SLC67A1: variants seen among roughly 807,000 people sequenced by gnomAD.
SLC67A1 encodes the protein solute carrier family 67 member 1.
At chr11:2,901,471 G>T in the SLC67A1 span, among the ~76,000 whole-genome samples, 1 of 152,260 alleles carries the variant, frequency 6.6e-6, no homozygotes, top group Non-Finnish European at 1.5e-5. Flanking sequence ...CCCTTGCCTG[G>T]GGAGGAGGTG....
At chr11:2,916,503 G>A in the SLC67A1 span, 2 of 724,876 alleles carry the variant, frequency 2.8e-6, no homozygotes, top group South Asian at 1.7e-5. Context: ...AGACTGTGGG[G>A]ATGTGGGAGG....
chr11:2,900,105 A>G, the SLC67A1 span, among the ~76,000 whole-genome samples: 1 of 131,872 alleles, frequency 7.6e-6, no homozygotes, highest in South Asian at 2.3e-4. Flanking sequence ...CAGTCCTTCC[A>G]GGAAACTCTG....
At chr11:2,919,369 G>C in the SLC67A1 span, 1 of 1,613,916 alleles carries the variant, frequency 6.2e-7, no homozygotes, top group South Asian at 1.1e-5. Flanking sequence ...GGCCGCCCAA[G>C]CTGGCTACCT....
chr11:2,906,864 T>TA, the SLC67A1 span, among the ~76,000 whole-genome samples: 5 of 133,180 alleles, frequency 3.8e-5, no homozygotes, highest in South Asian at 2.5e-4. Context: ...TAAAGTATAA[T>TA]AAAAAAACAA....
chr11:2,916,682 C>T, the SLC67A1 span: 1 of 1,612,932 alleles, frequency 6.2e-7, no homozygotes, highest in Admixed American at 1.7e-5. Flanking sequence ...TCCTCAGCTT[C>T]ACCTGCATCC....
At chr11:2,916,897 A>C in the SLC67A1 span, 2 of 640,678 alleles carry the variant, frequency 3.1e-6, no homozygotes, top group South Asian at 4.0e-5. Flanking sequence ...AGCTGCTGAC[A>C]TCATAGAAGC....
At chr11:2,910,192 T>C in the SLC67A1 span, among the ~76,000 whole-genome samples, 4 of 152,242 alleles carry the variant, frequency 2.6e-5, 1 homozygote, top group South Asian at 8.3e-4. Context: ...GAGCCTGGGC[T>C]GGGGACTGAT....
At chr11:2,923,149 C>T in the SLC67A1 span, among the ~76,000 whole-genome samples, 1 of 152,208 alleles carries the variant, frequency 6.6e-6, no homozygotes, top group Non-Finnish European at 1.5e-5. The surrounding 1 kb of genome is among the most constrained non-coding windows in gnomAD (Gnocchi z 6.5). Context: ...CCTGCCCCAC[C>T]CCAGGCACAG....
the SLC67A1 span, chr11:2,908,142 C>T: frequency 1.2e-6 from 1 of 825,374 alleles, no homozygotes; most frequent in Non-Finnish European, 2.1e-6. Context: ...GGCCCTCGGT[C>T]CCCTCCCACC....
the SLC67A1 span, chr11:2,919,158 G>A: frequency 4.0e-5 from 25 of 622,310 alleles, no homozygotes; most frequent in Non-Finnish European, 7.0e-5. Context: ...GGGTCTCATT[G>A]GCCCGGCTGG....
chr11:2,917,488 T>TG, the SLC67A1 span, among the ~76,000 whole-genome samples: 1 of 152,048 alleles, frequency 6.6e-6, no homozygotes, highest in Non-Finnish European at 1.5e-5. Context: ...TGAGCCGGGC[T>TG]GGGGGCCTGT....
the SLC67A1 span, among the ~76,000 whole-genome samples, chr11:2,912,995 G>A: frequency 1.3e-5 from 2 of 152,194 alleles, no homozygotes. Context: ...AGAGGGAGGA[G>A]GGGATGGGAG....
At chr11:2,923,432 T>C in the SLC67A1 span, among the ~76,000 whole-genome samples, 1 of 126,736 alleles carries the variant, frequency 7.9e-6, no homozygotes, top group Non-Finnish European at 1.7e-5. This position sits in a 1 kb window ranked among gnomAD's most constrained non-coding sequence, Gnocchi z 6.5. Context: ...TCCATCCACC[T>C]GCCTGTCTGG....
chr11:2,916,595 C>G, the SLC67A1 span: 1 of 1,580,676 alleles, frequency 6.3e-7, no homozygotes, highest in Non-Finnish European at 8.7e-7. Context: ...GACCCGCACC[C>G]TGTGCAGCCG....
the SLC67A1 span, chr11:2,925,009 G>A: frequency 1.4e-5 from 22 of 1,607,710 alleles, no homozygotes; most frequent in Non-Finnish European, 1.8e-5. The surrounding 1 kb of genome is among the most constrained non-coding windows in gnomAD (Gnocchi z 6.5). Context: ...GCACCCCCCA[G>A]GGACCATGCT....
the SLC67A1 span, among the ~76,000 whole-genome samples, chr11:2,918,251 C>G: frequency 9.8e-5 from 15 of 152,398 alleles, no homozygotes; most frequent in Admixed American, 9.1e-4. Flanking sequence ...GTCTTTCCCA[C>G]CTCCTTCCAG....
chr11:2,909,090 C>T, the SLC67A1 span: 12 of 1,113,002 alleles, frequency 1.1e-5, no homozygotes, highest in Non-Finnish European at 1.3e-5. Context: ...CCATCCCCAT[C>T]CCGCACTCCA....
the SLC67A1 span, among the ~76,000 whole-genome samples, chr11:2,911,409 G>A: frequency 6.6e-6 from 1 of 151,950 alleles, no homozygotes; most frequent in African/African-American, 2.4e-5. Context: ...GGACAGCAGG[G>A]ACGGCTCACC....
chr11:2,922,059 C>T, the SLC67A1 span: 20 of 1,458,488 alleles, frequency 1.4e-5, no homozygotes, highest in African/African-American at 8.3e-5. Flanking sequence ...GCCCCTCCCT[C>T]GCCTCCCCCA....
Sources: gnomAD v4.1 joint callset for allele counts (sites outside exome capture counted in the v4.1 genomes callset) on GRCh38, gnomAD v4.1.1 for gene constraint, Gnocchi (gnomAD v3.1) non-coding constraint, MANE v1.5 for transcripts, NCBI Gene and HGNC (gene_info 2026-07-23, HGNC 2026-07-21) for gene names.